SLIT1: variants seen among roughly 807,000 people sequenced by gnomAD.
SLIT1 encodes the protein slit guidance ligand 1.
In SLIT1, 66 loss-of-function variants were observed where a neutral mutation model predicts 186.1. The observed-to-expected ratio is 0.35, with a 90% CI of 0.29 to 0.44. The LOEUF (loss-of-function observed/expected upper bound fraction) is 0.44, where lower values mean the gene tolerates loss of function less well. Among genes scored for constraint, SLIT1 ranks in the 20% least tolerant of loss-of-function variants. The pLI, the probability that SLIT1 is intolerant of heterozygous loss-of-function variation, is 1.00. For missense variants in SLIT1, 1,638 were observed against 2,037.4 expected (o/e 0.80, Z 3.77); for synonymous variants, 761 against 833.8 (o/e 0.91, Z 1.50).
chr10:97,143,924 G>A (rs1223181597), intron 4 of SLIT1, among the ~76,000 whole-genome samples: 2 of 152,164 alleles, frequency 1.3e-5, no homozygotes, highest in African/African-American at 2.4e-5. Context: ...CAGGCTGAGC[G>A]CAGTGGCTCA....
In SLIT1 at chr10:97,001,193, G is replaced by A; in HGVS notation, c.4524C>T (p.Phe1508=). 1 of 1,613,286 alleles carries A rather than the reference G, an allele frequency of 6.2e-7. No homozygotes were observed. The change falls in exon 37 of 37, where the codon TTC becomes TTT. Residue 1508 remains phenylalanine, a synonymous_variant. Coordinates refer to ENST00000266058, the MANE Select transcript of SLIT1 (RefSeq NM_003061.3). ...CQGLRLKRRK[F]TFECSDGTSF... is the part of the protein sequence containing the mutation. The stretch of plus-strand genomic sequence containing the variant: ...AGGTCCCATCGCTGCACTCAAAGGT[G>A]AACTTCCTCCGCTTCAGCCGAAGGC...
chr10:97,171,647 T>C (rs2992774), intron 1 of SLIT1, among the ~76,000 whole-genome samples: 111,522 of 151,852 alleles, frequency 0.73, 41,801 homozygotes, highest in Non-Finnish European at 0.82. Context: ...TGGCGAAACC[T>C]GTCTCTACTA....
At chr10:97,113,552 T>G (rs768943416) in intron 4 of SLIT1, among the ~76,000 whole-genome samples, 25 of 147,018 alleles carry the variant, frequency 1.7e-4, no homozygotes, top group Admixed American at 5.4e-4. Context: ...ACATTTTTCT[T>G]TTAGGTTTTT....
intron 4 of SLIT1, among the ~76,000 whole-genome samples, chr10:97,128,401 G>A (rs1420281645): frequency 6.6e-6 from 1 of 152,166 alleles, no homozygotes; most frequent in Non-Finnish European, 1.5e-5. Flanking sequence ...GCGCACGTGT[G>A]CATGCTCACA....
chr10:97,037,683 G>T lies in SLIT1; in HGVS notation c.2366+15C>A, dbSNP rs557413500. Reference sequence around the variant, plus strand: ...GCCAAAGGCCCTCCTGTCCTCAAGCGGCCTGGATACTTACACGAGCTGCAG... The same window carrying T: ...GCCAAAGGCCCTCCTGTCCTCAAGCTGCCTGGATACTTACACGAGCTGCAG... On this transcript the variant is annotated intron_variant, in intron 22 of 36. Coordinates refer to ENST00000266058, the MANE Select transcript of SLIT1 (RefSeq NM_003061.3). 1 of 1,604,064 alleles carries T rather than the reference G, an allele frequency of 6.2e-7. No homozygotes were observed. The highest frequency in any genetic ancestry group is 1.1e-5 in the South Asian group (1 of 90,640).
intron 4 of SLIT1, 90 bp from the exon 5 acceptor site, chr10:97,066,176 T>C: frequency 9.4e-7 from 1 of 1,058,582 alleles, no homozygotes; most frequent in Non-Finnish European, 1.4e-6. Flanking sequence ...GCAGGGCAGG[T>C]GGGCTGGAGG....
intron 4 of SLIT1, among the ~76,000 whole-genome samples, chr10:97,146,802 C>A (rs1849823037): frequency 6.6e-6 from 1 of 152,138 alleles, no homozygotes; most frequent in Non-Finnish European, 1.5e-5. Flanking sequence ...TTTTTTCAGC[C>A]TTCGGACAGT....
chr10:97,005,853 G>T (rs940977941), intron 32 of SLIT1, among the ~76,000 whole-genome samples: 15 of 152,210 alleles, frequency 9.9e-5, no homozygotes, highest in African/African-American at 3.6e-4. Context: ...TGTGGCATTT[G>T]TGACAGGGAA....
At chr10:97,077,113 A>G (rs1338920850) in intron 4 of SLIT1, among the ~76,000 whole-genome samples, 2 of 152,202 alleles carry the variant, frequency 1.3e-5, no homozygotes, top group Non-Finnish European at 2.9e-5. Context: ...CAAACAGCTA[A>G]CAAAATCAGC....
chr10:97,064,750 C>T, intron 6 of SLIT1, 55 bp downstream of exon 6: 1 of 1,378,434 alleles, frequency 7.3e-7, no homozygotes, highest in Non-Finnish European at 1.0e-6. Flanking sequence ...CGGCACTTGG[C>T]ACCTGCCTAG....
intron 1 of SLIT1, among the ~76,000 whole-genome samples, chr10:97,171,235 T>A (rs1850184087): frequency 6.6e-6 from 1 of 152,048 alleles, no homozygotes; most frequent in Non-Finnish European, 1.5e-5. Context: ...CCCCAGCCAC[T>A]GCGCAGACAG....
chr10:97,001,757 C>T (rs1025218954), intron 36 of SLIT1, among the ~76,000 whole-genome samples: 4 of 152,068 alleles, frequency 2.6e-5, no homozygotes, highest in Non-Finnish European at 5.9e-5. Context: ...CTTAGCAGTC[C>T]GGATTCCAGC....
At chr10:97,147,633 A>AG (rs967028509) in intron 4 of SLIT1, among the ~76,000 whole-genome samples, 83 of 144,226 alleles carry the variant, frequency 5.8e-4, no homozygotes, top group African/African-American at 1.8e-3. Context: ...GAGAGCTGGG[A>AG]GGGGGGGGAA....
rs1277106811 is a variant in SLIT1, at chr10:97,184,241, A to G, written c.197+1237T>C. ...TTCTGTCTCTGACCAGCTGGGGGCC[A>G]TGAAAATGTGCTCGAAAGTTATCAA... On this transcript the variant is annotated intron_variant, in intron 1 of 36. Coordinates refer to ENST00000266058, the MANE Select transcript of SLIT1 (RefSeq NM_003061.3). This position sits in a 1 kb window ranked among gnomAD's most constrained non-coding sequence, Gnocchi z 4.4. 2.6e-5 allele frequency among the ~76,000 whole-genome samples: 4 copies of G among 152,172 alleles called. No homozygotes were observed. The highest frequency in any genetic ancestry group is 4.4e-5 in the Non-Finnish European group (3 of 68,034).
At chr10:97,084,924 CTTTT>C (rs34001660) in intron 4 of SLIT1, among the ~76,000 whole-genome samples, 1 of 126,160 alleles carries the variant, frequency 7.9e-6, no homozygotes, top group Non-Finnish European at 1.6e-5. Flanking sequence ...CTTTTCTTTC[CTTTT>C]TTTTTTTTTT....
intron 4 of SLIT1, among the ~76,000 whole-genome samples, chr10:97,094,670 T>C (rs918881189): frequency 4.6e-5 from 7 of 152,098 alleles, no homozygotes; most frequent in Non-Finnish European, 7.3e-5. Context: ...GGACCAGAAA[T>C]TGCCTGGTGT....
intron 4 of SLIT1, among the ~76,000 whole-genome samples, chr10:97,076,029 C>G (rs1277193208): frequency 1.3e-5 from 2 of 152,158 alleles, no homozygotes; most frequent in Non-Finnish European, 2.9e-5. Flanking sequence ...CTGCAGCTCA[C>G]CAAGGCCCGC....
At position 97,046,688 on chromosome 10, in the gene SLIT1, C is replaced by T. The variant is rs200826876; in HGVS notation, c.1819G>A (p.Gly607Ser). ...TANQLESIRS[G>S]MFRGLDGLRT... is the part of the protein sequence containing the mutation. ...AAGCCATCCAGACCCCGGAACATGCCGCTCCGGATGGACTCCAGCTGGTTG... is the reference window on the plus strand; with the variant it reads ...AAGCCATCCAGACCCCGGAACATGCTGCTCCGGATGGACTCCAGCTGGTTG... Residue 607 changes from glycine to serine, a missense_variant, in exon 18 of 37, where the codon GGC (glycine) becomes AGC (serine). This residue lies in a region of SLIT1 where 1,245 missense variants were observed against 1,535.3 expected (regional missense o/e 0.81). Transcript: ENST00000266058. 14 of 1,611,012 alleles carry T rather than the reference C, an allele frequency of 8.7e-6. No individual in the cohort carries two copies. The highest frequency in any genetic ancestry group is 5.0e-5 in the Admixed American group (3 of 60,024).
At chr10:97,072,821 G>A (rs1409501724) in intron 4 of SLIT1, among the ~76,000 whole-genome samples, 1 of 152,162 alleles carries the variant, frequency 6.6e-6, no homozygotes, top group Non-Finnish European at 1.5e-5. Context: ...GACCAACCAT[G>A]GACCTCGAGA....
Sources: allele counts gnomAD v4.1 joint callset (sites outside exome capture counted in the v4.1 genomes callset), GRCh38; gene constraint gnomAD v4.1.1; regional missense constraint gnomAD v4.1.1; non-coding constraint Gnocchi (gnomAD v3.1); transcripts MANE v1.5; gene names NCBI Gene and HGNC (gene_info 2026-07-23, HGNC 2026-07-21).